LRP1B: variants seen among roughly 807,000 people sequenced by gnomAD.
LRP1B encodes LDL receptor related protein 1B, also known as low-density lipoprotein receptor-related protein 1B.
LRP1B carries 217 observed loss-of-function variants against 556.6 expected under a neutral mutation model. That is an observed-to-expected ratio of 0.39 (90% CI 0.35 to 0.44). The LOEUF (loss-of-function observed/expected upper bound fraction) is 0.44, where lower values mean the gene tolerates loss of function less well. LRP1B is among the 20% of genes least tolerant of loss of function. The pLI, the probability that LRP1B is intolerant of heterozygous loss-of-function variation, is 1.00. For missense variants in LRP1B, 5,053 were observed against 5,620.8 expected (o/e 0.90, Z 3.23); for synonymous variants, 2,047 against 1,865.8 (o/e 1.10, Z -2.50).
intron 1 of LRP1B, among the ~76,000 whole-genome samples, chr2:141,966,894 G>A (rs763545411): frequency 7.9e-5 from 12 of 151,744 alleles, no homozygotes; most frequent in Non-Finnish European, 1.3e-4. Context: ...AGACAGAGAT[G>A]GACTGGATAC....
At chr2:141,618,177 G>A (rs140200457) in intron 2 of LRP1B, among the ~76,000 whole-genome samples, 1 of 152,156 alleles carries the variant, frequency 6.6e-6, no homozygotes, top group Non-Finnish European at 1.5e-5. Context: ...TTTCTCTGGT[G>A]TGCTTTTATT....
intron 2 of LRP1B, among the ~76,000 whole-genome samples, chr2:141,607,503 T>C (rs1466033984): frequency 1.3e-5 from 2 of 152,080 alleles, no homozygotes; most frequent in Non-Finnish European, 2.9e-5. Context: ...CCCTACCCCA[T>C]CCCCTCATCT....
intron 1 of LRP1B, among the ~76,000 whole-genome samples, chr2:141,949,481 C>T (rs1172364500): frequency 6.6e-6 from 1 of 152,126 alleles, no homozygotes; most frequent in Non-Finnish European, 1.5e-5. Flanking sequence ...ACCTCTGCCT[C>T]CTGGGTTCAA....
intron 43 of LRP1B, among the ~76,000 whole-genome samples, chr2:140,542,289 A>G (rs1680166226): frequency 6.6e-6 from 1 of 152,108 alleles, no homozygotes; most frequent in Admixed American, 6.6e-5. Flanking sequence ...TATTAGACGA[A>G]GATTATCAAC....
At chr2:141,676,750 T>C (rs1690897273) in intron 2 of LRP1B, among the ~76,000 whole-genome samples, 1 of 152,180 alleles carries the variant, frequency 6.6e-6, no homozygotes, top group Non-Finnish European at 1.5e-5. Context: ...AGAGTATTCT[T>C]AATGACTGTG....
At chr2:141,484,404 C>T (rs1425483685) in intron 2 of LRP1B, among the ~76,000 whole-genome samples, 1 of 149,934 alleles carries the variant, frequency 6.7e-6, no homozygotes, top group Non-Finnish European at 1.5e-5. Flanking sequence ...CATGATGCCT[C>T]CAGCTTTGTT....
At chr2:141,105,341 T>A in intron 7 of LRP1B, among the ~76,000 whole-genome samples, 1 of 152,174 alleles carries the variant, frequency 6.6e-6, no homozygotes. Flanking sequence ...AATGTAATTT[T>A]TTTTTTAGTT....
chr2:141,214,800 C>T (rs1352291195), intron 6 of LRP1B, among the ~76,000 whole-genome samples: 2 of 152,072 alleles, frequency 1.3e-5, no homozygotes, highest in African/African-American at 4.8e-5. Context: ...CTAAGAAGAC[C>T]CAGTGTCTCA....
At chr2:141,155,270 A>C (rs1051851333) in intron 7 of LRP1B, among the ~76,000 whole-genome samples, 1 of 151,752 alleles carries the variant, frequency 6.6e-6, no homozygotes, top group Admixed American at 6.6e-5. Context: ...AATGTTCAGA[A>C]AGTTTTAATT....
chr2:140,505,362 C>G (rs1392519163), intron 53 of LRP1B, among the ~76,000 whole-genome samples: 3 of 151,894 alleles, frequency 2.0e-5, no homozygotes, highest in Non-Finnish European at 4.4e-5. Context: ...CCACCACACA[C>G]CACGCTCTCT....
At chr2:140,690,929 A>C (rs1176717676) in intron 41 of LRP1B, among the ~76,000 whole-genome samples, 1 of 152,160 alleles carries the variant, frequency 6.6e-6, no homozygotes, top group Non-Finnish European at 1.5e-5. Context: ...TAGATGACTA[A>C]AAGTATCCTT....
At chr2:141,551,590 T>C (rs1685752097) in intron 2 of LRP1B, among the ~76,000 whole-genome samples, 1 of 152,100 alleles carries the variant, frequency 6.6e-6, no homozygotes, top group Non-Finnish European at 1.5e-5. Flanking sequence ...AAAGAGTCTG[T>C]ATTACCTTCC....
chr2:141,475,464 A>G (rs1682663864), intron 3 of LRP1B, among the ~76,000 whole-genome samples: 1 of 152,192 alleles, frequency 6.6e-6, no homozygotes, highest in Non-Finnish European at 1.5e-5. Flanking sequence ...TTTAAATGTT[A>G]ATAATACTGA....
rs950711108 is a variant in LRP1B at position 142,005,909 on chromosome 2, GA to G, written c.82+124738del. 2.1e-3 allele frequency among the ~76,000 whole-genome samples: 300 copies of G among 141,664 alleles called. 2 individuals carry two copies. The highest frequency in any genetic ancestry group is 7.3e-3 in the African/African-American group (283 of 38,588). 92.9% of individuals were successfully genotyped at this position (141,664 alleles called of 152,430 possible). A position where few individuals can be genotyped will look rare whatever the true frequency, so the allele number is the denominator to read the frequency against. On this transcript the variant is annotated intron_variant, in intron 1 of 90. Transcript: ENST00000389484. ...ATGAAAAAAAAAAAGAAAAAAAAAA[GA>G]AAAAAAACTGCATATTTACAGTATT...
intron 3 of LRP1B, among the ~76,000 whole-genome samples, chr2:141,319,431 C>T (rs953412372): frequency 2.0e-5 from 3 of 149,136 alleles, no homozygotes; most frequent in Middle Eastern, 3.6e-3. Flanking sequence ...TATTTTGAGA[C>T]AATTTTTTTT....
intron 2 of LRP1B, among the ~76,000 whole-genome samples, chr2:141,541,083 A>G (rs1284833089): frequency 6.6e-6 from 1 of 152,068 alleles, no homozygotes; most frequent in East Asian, 1.9e-4. Context: ...GAGCTTTTTT[A>G]TAACAAAACA....
At position 141,318,402 on chromosome 2, in the gene LRP1B, T is replaced by C. The variant is rs1201397666; in HGVS notation, c.344-63761A>G. 8.5e-5 allele frequency among the ~76,000 whole-genome samples: 13 copies of C among 152,186 alleles called. No individual in the cohort carries two copies. In the South Asian group the frequency reaches 2.7e-3, roughly 31 times the overall value. On this transcript the variant is annotated intron_variant, in intron 3 of 90. Transcript: ENST00000389484. ...AATTTTAGCTATATGAATTTGGGGTTGTTTTCCTAAAGAAGTCAAATTTAA... is the reference window on the plus strand; with the variant it reads ...AATTTTAGCTATATGAATTTGGGGTCGTTTTCCTAAAGAAGTCAAATTTAA...
At chr2:141,784,436 A>G (rs1695359779) in intron 2 of LRP1B, among the ~76,000 whole-genome samples, 1 of 151,954 alleles carries the variant, frequency 6.6e-6, no homozygotes, top group Admixed American at 6.6e-5. Context: ...CGGCTCTACA[A>G]CGCTAGTTAT....
At chr2:141,353,343 G>C (rs1032788093) in intron 3 of LRP1B, among the ~76,000 whole-genome samples, 2 of 151,896 alleles carry the variant, frequency 1.3e-5, no homozygotes, top group Non-Finnish European at 2.9e-5. Flanking sequence ...TTAGAACCTA[G>C]AGGGGAGCCA....
Sources: gnomAD v4.1 joint callset for allele counts (sites outside exome capture counted in the v4.1 genomes callset) on GRCh38, gnomAD v4.1.1 for gene constraint, MANE v1.5 for transcripts, NCBI Gene and HGNC (gene_info 2026-07-23, HGNC 2026-07-21) for gene names.